The following CEP104 variants were observed in gnomAD, a reference collection of about 807,000 sequenced individuals.
CEP104 encodes the protein centrosomal protein of 104 kDa.
A neutral mutation model predicts 113.3 loss-of-function variants in CEP104; 84 were observed. The ratio of observed to expected loss-of-function variants is 0.74; its 90% CI spans 0.62 to 0.89. The LOEUF is 0.89. CEP104 is among the 40% of genes least tolerant of loss of function. The pLI is 0.00. For synonymous variants in CEP104, 378 were observed against 421.7 expected (o/e 0.90, Z 1.27); for missense variants, 1,053 against 1,156.6 (o/e 0.91, Z 1.30).
Position 3,839,075 on chromosome 1 carries a change from G to A in CEP104, c.780C>T (p.Ala260=), listed in dbSNP as rs769600238. ...LGRYEVEKRC[A]VEKEDYDLAK... Reference sequence around the variant, plus strand: ...CGAGATCGTAGTCTTCCTTCTCCACGGCACAGCGTTTCTCTACCTCATACC... The same window carrying A: ...CGAGATCGTAGTCTTCCTTCTCCACAGCACAGCGTTTCTCTACCTCATACC... The change falls in exon 8 of 22, where the codon GCC becomes GCT. Residue 260 remains alanine, a synonymous_variant. Transcript: ENST00000378230. 1.2e-5 allele frequency: 19 copies of A among 1,613,782 alleles called. No homozygotes were observed. Among genetic ancestry groups the A allele is most frequent in the Admixed American group, 5.0e-5 (3 of 59,978 alleles).
intron 1 of CEP104, among the ~76,000 whole-genome samples, chr1:3,853,394 A>C (rs1644653043): frequency 7.0e-6 from 1 of 143,088 alleles, no homozygotes; most frequent in African/African-American, 2.6e-5. Flanking sequence ...GTTAGGTCTA[A>C]ATCATCGGGG....
intron 3 of CEP104, 90 bp from the exon 4 acceptor site, chr1:3,847,703 T>A: frequency 5.2e-6 from 7 of 1,339,278 alleles, no homozygotes; most frequent in Non-Finnish European, 7.4e-6. Flanking sequence ...GGCTCATTTA[T>A]GTTTATTGTT....
intron 2 of CEP104, among the ~76,000 whole-genome samples, chr1:3,849,309 C>T (rs1021399105): frequency 2.6e-5 from 4 of 151,428 alleles, no homozygotes; most frequent in African/African-American, 9.7e-5. Context: ...GCTCTGTCAC[C>T]CAGGCTGCAG....
Position 3,823,513 on chromosome 1 carries a change from T to C in CEP104, c.2414A>G (p.Lys805Arg), listed in dbSNP as rs1193946643. The stretch of plus-strand genomic sequence containing the variant: ...GTAACACTTTCCAAACCCGTCTTTT[T>C]TGTCACATTCCGTCAGCAAGTGCTC... ...LTEHLLTECD[K>R]KDGFGKCYRC... The change falls in exon 19 of 22, where the codon AAA becomes AGA. Residue 805 changes from lysine (K) to arginine (R), a missense_variant. By Grantham distance (26) the Lys-to-Arg change is conservative. Coordinates refer to ENST00000378230, the MANE Select transcript of CEP104 (RefSeq NM_014704.4). This position sits in a 1 kb window ranked among gnomAD's most constrained non-coding sequence, Gnocchi z 4.1. 1.2e-6 allele frequency: 2 copies of C among 1,614,132 alleles called. No individual in the cohort carries two copies. Among genetic ancestry groups the C allele is most frequent in the African/African-American group, 2.7e-5 (2 of 74,932 alleles).
intron 1 of CEP104, among the ~76,000 whole-genome samples, chr1:3,853,400 C>CA (rs1557697144): frequency 1.4e-5 from 2 of 140,140 alleles, no homozygotes; most frequent in African/African-American, 5.1e-5. Flanking sequence ...TCTAAATCAT[C>CA]GGGGGAAAAA....
At chr1:3,828,231 G>A (rs1037171769) in intron 15 of CEP104, among the ~76,000 whole-genome samples, 2 of 152,138 alleles carry the variant, frequency 1.3e-5, no homozygotes, top group Non-Finnish European at 2.9e-5. Context: ...TGCGACATCC[G>A]TGTCCTCGTT....
chr1:3,845,121 T>C (rs1644484297), intron 5 of CEP104, 138 bp from the exon 6 acceptor site: 2 of 885,392 alleles, frequency 2.3e-6, no homozygotes, highest in African/African-American at 1.7e-5. Context: ...GCTAAAACTG[T>C]TAAAGAAAAG....
rs1305676164 is a variant in CEP104, at chr1:3,813,605, C to T, written c.*1797G>A. 1 of 150,022 alleles carries T rather than the reference C, an allele frequency of 6.7e-6. No individual in the cohort carries two copies. The highest frequency in any genetic ancestry group is 1.5e-5 in the Non-Finnish European group (1 of 67,578). 9.3% of individuals were successfully genotyped at this position (150,022 alleles called of 1,614,324 possible). On this transcript the variant is annotated 3_prime_UTR_variant, in exon 22 of 22. Transcript: ENST00000378230. Reference sequence around the variant, plus strand: ...GTGGCTCACGCCTGTAATCCCAGCACTTTGGGAGGCCAAGGTGGGCAGATT... The same window carrying T: ...GTGGCTCACGCCTGTAATCCCAGCATTTTGGGAGGCCAAGGTGGGCAGATT...
intron 12 of CEP104, among the ~76,000 whole-genome samples, chr1:3,832,382 G>A (rs1644228191): frequency 7.7e-6 from 1 of 130,590 alleles, no homozygotes. Flanking sequence ...AACCAGGAGT[G>A]TAGCGTAGGT....
rs142990214 is a variant in CEP104, at chr1:3,825,079, A to G, written c.2364+679T>C. On this transcript the variant is annotated intron_variant, in intron 18 of 21. Coordinates refer to ENST00000378230, the MANE Select transcript of CEP104 (RefSeq NM_014704.4). ...GGGGGCAGTGGCACTGTGGGAAGGG[A>G]GCAGTGGCACTGTGGGAAGGGGGGC... Among the ~76,000 whole-genome samples the G allele has an allele frequency of 3.1e-3, 139 of 44,296 alleles. 18 individuals are homozygous for G. Among genetic ancestry groups the G allele is most frequent in the East Asian group, 3.6e-3 (5 of 1,408 alleles). 29.1% of individuals were successfully genotyped at this position (44,296 alleles called of 152,430 possible). A position where few individuals can be genotyped will look rare whatever the true frequency, so the allele number is the denominator to read the frequency against.
At chr1:3,830,231 T>C (rs558596759) in intron 13 of CEP104, among the ~76,000 whole-genome samples, 44 of 152,230 alleles carry the variant, frequency 2.9e-4, no homozygotes, top group African/African-American at 9.6e-4. Flanking sequence ...GCTGTGGCTA[T>C]AGTGCAATTT....
chr1:3,838,120 C>T (rs760324865), intron 8 of CEP104, among the ~76,000 whole-genome samples: 6 of 152,188 alleles, frequency 3.9e-5, no homozygotes, highest in Admixed American at 1.3e-4. Flanking sequence ...TGGTGGTGCC[C>T]GGATTTGAAC....
At chr1:3,840,791 C>T (rs1248036114) in intron 6 of CEP104, among the ~76,000 whole-genome samples, 7 of 152,172 alleles carry the variant, frequency 4.6e-5, no homozygotes, top group South Asian at 2.1e-4. Flanking sequence ...CCACCCATCT[C>T]GGACTCCCAA....
chr1:3,823,692 A>C lies in CEP104; in HGVS notation c.2365-130T>G. 1 of 1,090,736 alleles carries C rather than the reference A, an allele frequency of 9.2e-7. No individual in the cohort carries two copies. Among genetic ancestry groups the C allele is most frequent in the Non-Finnish European group, 1.3e-6 (1 of 749,294 alleles). 67.6% of individuals were successfully genotyped at this position (1,090,736 alleles called of 1,614,324 possible). A position where few individuals can be genotyped will look rare whatever the true frequency, so the allele number is the denominator to read the frequency against. On this transcript the variant is annotated intron_variant, in intron 18 of 21. Coordinates refer to ENST00000378230, the MANE Select transcript of CEP104 (RefSeq NM_014704.4). The surrounding 1 kb of genome is among the most constrained non-coding windows in gnomAD (Gnocchi z 4.1). Reference sequence around the variant, plus strand: ...GCCGCCTGCACATGAAGTAAGCCACAGGCTTCTATCTTCGGCATTTGCCCA... The same window carrying C: ...GCCGCCTGCACATGAAGTAAGCCACCGGCTTCTATCTTCGGCATTTGCCCA...
chr1:3,855,449 G>A (rs552111746), intron 1 of CEP104, among the ~76,000 whole-genome samples: 22 of 151,638 alleles, frequency 1.5e-4, no homozygotes, highest in East Asian at 1.9e-4. Flanking sequence ...GATTACAGGC[G>A]TGAGCCGCCG....
chr1:3,849,033 CA>C (rs776238237), intron 2 of CEP104, among the ~76,000 whole-genome samples: 8 of 152,092 alleles, frequency 5.3e-5, no homozygotes, highest in Non-Finnish European at 1.0e-4. Context: ...ATACTCTTGG[CA>C]GCTAGTAAAT....
intron 18 of CEP104, among the ~76,000 whole-genome samples, chr1:3,824,431 G>C (rs1247569838): frequency 6.6e-6 from 1 of 152,166 alleles, no homozygotes; most frequent in Admixed American, 6.5e-5. Flanking sequence ...ATAGGGGATG[G>C]GGAAGACTTG....
Position 3,838,616 on chromosome 1 carries a change from C to T in CEP104, c.891+348G>A, listed in dbSNP as rs183483413. Reference sequence around the variant, plus strand: ...CGAAGCTGTTAGCATTACGTTCTCACTTGATCCTTACAACACTGAGGGGTC... The same window carrying T: ...CGAAGCTGTTAGCATTACGTTCTCATTTGATCCTTACAACACTGAGGGGTC... On this transcript the variant is annotated intron_variant, in intron 8 of 21. Coordinates refer to ENST00000378230, the MANE Select transcript of CEP104 (RefSeq NM_014704.4). Among the ~76,000 whole-genome samples the T allele has an allele frequency of 1.7e-3, 256 of 152,366 alleles. 1 individual carries two copies. Among genetic ancestry groups the T allele is most frequent in the African/African-American group, 5.9e-3 (246 of 41,586 alleles).
In CEP104 at chr1:3,836,781, T is replaced by A; in HGVS notation, c.1120-89A>T. 3.7e-6 allele frequency: 4 copies of A among 1,090,646 alleles called. 1 individual carries two copies. In the South Asian group the frequency reaches 5.3e-5, roughly 15 times the overall value. The allele number at this position is 1,090,646 out of a possible 1,614,324, so 67.6% of individuals were successfully genotyped here. On this transcript the variant is annotated intron_variant, in intron 9 of 21. Transcript: ENST00000378230. The stretch of plus-strand genomic sequence containing the variant: ...ACTCTCACTGGCAGGCTTACTGCGC[T>A]TACTTACCTGATCTGAAAGATGTTA...
Sources: allele counts gnomAD v4.1 joint callset (sites outside exome capture counted in the v4.1 genomes callset), GRCh38; gene constraint gnomAD v4.1.1; non-coding constraint Gnocchi (gnomAD v3.1); transcripts MANE v1.5; gene names NCBI Gene and HGNC (gene_info 2026-07-23, HGNC 2026-07-21).